MERTK: variants seen among roughly 807,000 people sequenced by gnomAD.
MERTK encodes tyrosine-protein kinase Mer.
A neutral mutation model predicts 99.3 loss-of-function variants in MERTK; 69 were observed. The observed-to-expected ratio is 0.70, with a 90% CI of 0.57 to 0.85. The LOEUF (loss-of-function observed/expected upper bound fraction) is 0.85. MERTK is among the 40% of genes least tolerant of loss of function. The probability of loss-of-function intolerance (pLI) is 0.00; values close to 1 mark genes in which losing one functional copy is unlikely to be tolerated. For missense variants in MERTK, 1,125 were observed against 1,249.4 expected, an observed-to-expected ratio of 0.90 and a Z score of 1.50; for synonymous variants, 426 against 467.6, an observed-to-expected ratio of 0.91 and a Z score of 1.15.
At chr2:111,987,006 G>T (rs2104744707) in intron 8 of MERTK, among the ~76,000 whole-genome samples, 1 of 152,284 alleles carries the variant, frequency 6.6e-6, no homozygotes, top group South Asian at 2.1e-4. Flanking sequence ...CTGTCACTTT[G>T]ATTTCCTTCA....
Position 111,994,294 on chromosome 2 carries a change from G to A in MERTK, c.1340G>A (p.Arg447Gln), listed in dbSNP as rs753693755. Residue 447 changes from arginine to glutamine, a missense_variant, in exon 9 of 19, where the codon CGG becomes CAG. By Grantham distance (43) the Arg-to-Gln change is conservative. Transcript: ENST00000295408. ...GTTGGCCAGAATGGCAGCCGAGCTC[G>A]GATCTCTGTTCAAGTCCACAATGCT... ...EEVGQNGSRA[R>Q]ISVQVHNATC... 2.4e-5 allele frequency: 39 copies of A among 1,614,024 alleles called. No homozygotes were observed. Among genetic ancestry groups the A allele is most frequent in the East Asian group, 4.5e-5 (2 of 44,888 alleles).
At chr2:111,975,193 G>A in intron 6 of MERTK, 96 bp from the exon 7 acceptor site, 1 of 1,199,780 alleles carries the variant, frequency 8.3e-7, no homozygotes, top group Non-Finnish European at 1.2e-6. Flanking sequence ...CCTTAGCGTA[G>A]AGGAAGGGCC....
At chr2:111,995,845 A>G (rs1176610168) in intron 9 of MERTK, among the ~76,000 whole-genome samples, 1 of 152,284 alleles carries the variant, frequency 6.6e-6, no homozygotes, top group Admixed American at 6.5e-5. Context: ...CTGTGGTCCC[A>G]GCTACTTGGG....
chr2:111,969,055 TG>T (rs1322341673), intron 6 of MERTK, among the ~76,000 whole-genome samples: 1 of 152,204 alleles, frequency 6.6e-6, no homozygotes, highest in Non-Finnish European at 1.5e-5. Context: ...CATTTTTCAC[TG>T]CTGCCTTGAA....
At chr2:111,941,986 T>C (rs1684873808) in intron 2 of MERTK, among the ~76,000 whole-genome samples, 1 of 152,192 alleles carries the variant, frequency 6.6e-6, no homozygotes, top group Non-Finnish European at 1.5e-5. Context: ...TGCCTCATAG[T>C]TTCTCGGCTT....
intron 4 of MERTK, among the ~76,000 whole-genome samples, chr2:111,958,059 G>A (rs1685181862): frequency 6.6e-6 from 1 of 152,146 alleles, no homozygotes; most frequent in Admixed American, 6.5e-5. Flanking sequence ...CAAGCAAGAG[G>A]GGCGTGAACC....
chr2:111,938,548 A>G (rs1684804830), intron 2 of MERTK, among the ~76,000 whole-genome samples: 1 of 152,198 alleles, frequency 6.6e-6, no homozygotes, highest in African/African-American at 2.4e-5. Flanking sequence ...CTGTGTGTGT[A>G]TAAGATGTGC....
At chr2:111,949,292 C>G (rs1395102084) in intron 4 of MERTK, among the ~76,000 whole-genome samples, 4 of 152,128 alleles carry the variant, frequency 2.6e-5, no homozygotes, top group African/African-American at 7.2e-5. Context: ...AGAGCTTTGT[C>G]TCTCCCATTC....
chr2:111,986,462 A>G (rs887300217), intron 8 of MERTK, among the ~76,000 whole-genome samples: 1 of 152,270 alleles, frequency 6.6e-6, no homozygotes, highest in Non-Finnish European at 1.5e-5. Context: ...TAGGCTGTCT[A>G]AAAACAAGCC....
chr2:112,010,070 A>G lies in MERTK; in HGVS notation c.2079+4A>G. ...CCGATTGGAGACAGGACCAAAGGTAATGATCTCCTTGTGTTACCCCTGAAC... is the reference window on the plus strand; with the variant it reads ...CCGATTGGAGACAGGACCAAAGGTAGTGATCTCCTTGTGTTACCCCTGAAC... On this transcript the variant is annotated splice_donor_region_variant and intron_variant, in intron 15 of 18. Coordinates refer to ENST00000295408, the MANE Select transcript of MERTK (RefSeq NM_006343.3). 6.3e-7 allele frequency: 1 copy of G among 1,583,988 alleles called. No individual in the cohort carries two copies. Among genetic ancestry groups the G allele is most frequent in the South Asian group, 1.1e-5 (1 of 90,456 alleles).
At chr2:111,902,971 G>C (rs1261891889) in intron 1 of MERTK, among the ~76,000 whole-genome samples, 1 of 152,170 alleles carries the variant, frequency 6.6e-6, no homozygotes, top group African/African-American at 2.4e-5. Flanking sequence ...TAGAGACAGG[G>C]TTTCACCATG....
chr2:111,970,448 C>T (rs911303300), intron 6 of MERTK, among the ~76,000 whole-genome samples: 5 of 152,128 alleles, frequency 3.3e-5, no homozygotes, highest in Non-Finnish European at 4.4e-5. Context: ...TGAGCCACCA[C>T]GCCCAGCTGA....
In MERTK at chr2:112,019,484, G is replaced by C. The variant is rs1171872873; in HGVS notation, c.2151G>C (p.Arg717Ser). 3 of 1,613,834 alleles carry C rather than the reference G, an allele frequency of 1.9e-6. No individual in the cohort carries two copies. The highest frequency in any genetic ancestry group is 2.5e-6 in the Non-Finnish European group (3 of 1,179,890). ...TGGGAATGGAGTATCTGAGCAACAGGAATTTTCTTCATCGAGATTTAGCTG... is the reference window on the plus strand; with the variant it reads ...TGGGAATGGAGTATCTGAGCAACAGCAATTTTCTTCATCGAGATTTAGCTG... ...IALGMEYLSN[R>S]NFLHRDLAAR... Residue 717 changes from arginine to serine, a missense_variant, in exon 16 of 19, where the codon AGG (arginine) becomes AGC (serine). Arg to Ser is a moderately radical substitution (Grantham distance 110). Coordinates refer to ENST00000295408, the MANE Select transcript of MERTK (RefSeq NM_006343.3).
At chr2:111,955,127 T>A (rs1685124297) in intron 4 of MERTK, among the ~76,000 whole-genome samples, 3 of 152,220 alleles carry the variant, frequency 2.0e-5, no homozygotes, top group Middle Eastern at 6.8e-3. Flanking sequence ...TGCCGACCCC[T>A]TCTACTGAGG....
intron 15 of MERTK, 40 bp from the exon 16 acceptor site, chr2:112,019,373 T>G: frequency 6.6e-7 from 1 of 1,521,984 alleles, no homozygotes; most frequent in Non-Finnish European, 9.1e-7. Context: ...GTTTTCCTTT[T>G]TAAAAGATAG....
chr2:111,899,720 G>A lies in MERTK; in HGVS notation c.61+924G>A, dbSNP rs193293038. ...TTTAGTAGAGACGGGGTTTCACCATGTTGGCCAGGATGGTCTCGATCTCTT... is the reference window on the plus strand; with the variant it reads ...TTTAGTAGAGACGGGGTTTCACCATATTGGCCAGGATGGTCTCGATCTCTT... On this transcript the variant is annotated intron_variant, in intron 1 of 18. Coordinates refer to ENST00000295408, the MANE Select transcript of MERTK (RefSeq NM_006343.3). Among the ~76,000 whole-genome samples the A allele has an allele frequency of 5.3e-3, 808 of 152,196 alleles. 8 individuals carry two copies. The highest frequency in any genetic ancestry group is 0.019 in the African/African-American group (779 of 41,526).
At chr2:111,967,779 T>C (rs1685387467) in intron 5 of MERTK, among the ~76,000 whole-genome samples, 1 of 152,228 alleles carries the variant, frequency 6.6e-6, no homozygotes, top group Non-Finnish European at 1.5e-5. Context: ...ACTCTGTCTC[T>C]GTTTAGTAAG....
In MERTK at chr2:111,953,168, G is replaced by A. The variant is rs141702023; in HGVS notation, c.757+5601G>A. On this transcript the variant is annotated intron_variant, in intron 4 of 18. Transcript: ENST00000295408. ...AATTCACTCTCCATCAGGGGCCATC[G>A]GGTACCAAAAACCAAAAACTGAACC... Among the ~76,000 whole-genome samples the A allele has an allele frequency of 1.2e-3, 190 of 152,224 alleles. 1 individual carries two copies. Among genetic ancestry groups the A allele is most frequent in the Non-Finnish European group, 1.8e-3 (120 of 68,018 alleles).
chr2:112,005,640 C>T (rs931165901), intron 13 of MERTK, among the ~76,000 whole-genome samples: 2 of 152,106 alleles, frequency 1.3e-5, no homozygotes, highest in African/African-American at 2.4e-5. Flanking sequence ...GTCGTGGTCA[C>T]GTGGCATTTC....
Sources: allele counts gnomAD v4.1 joint callset (sites outside exome capture counted in the v4.1 genomes callset), GRCh38; gene constraint gnomAD v4.1.1; transcripts MANE v1.5; gene names NCBI Gene and HGNC (gene_info 2026-07-23, HGNC 2026-07-21).